The following HIPK3 variants were observed in gnomAD, a reference collection of about 807,000 sequenced individuals.
The protein encoded by HIPK3 is homeodomain-interacting protein kinase 3.
In HIPK3, 47 loss-of-function variants were observed where a neutral mutation model predicts 124.2. That is an observed-to-expected ratio of 0.38 (90% CI 0.30 to 0.48). The LOEUF (loss-of-function observed/expected upper bound fraction) is 0.48. HIPK3 is among the 20% of genes least tolerant of loss of function. The pLI, the probability that HIPK3 is intolerant of heterozygous loss-of-function variation, is 0.98. For synonymous variants in HIPK3, 482 were observed against 515.2 expected, an observed-to-expected ratio of 0.94 and a Z score of 0.87; for missense variants, 1,286 against 1,454.3, an observed-to-expected ratio of 0.88 and a Z score of 1.88.
intron 1 of HIPK3, among the ~76,000 whole-genome samples, chr11:33,270,482 T>C (rs1263187847): frequency 6.6e-6 from 1 of 151,872 alleles, no homozygotes; most frequent in Non-Finnish European, 1.5e-5. Flanking sequence ...CTAAGAAAAT[T>C]GAGAATGTAT....
At chr11:33,346,363 A>G (rs1853492434) in intron 8 of HIPK3, among the ~76,000 whole-genome samples, 1 of 152,174 alleles carries the variant, frequency 6.6e-6, no homozygotes. Flanking sequence ...ATTAAGCCAC[A>G]TTGCGGAAAC....
intron 2 of HIPK3, among the ~76,000 whole-genome samples, chr11:33,326,601 A>C (rs902182535): frequency 6.6e-6 from 1 of 152,196 alleles, no homozygotes; most frequent in Admixed American, 6.5e-5. Context: ...TCAGAAAGCA[A>C]AGAAATAATC....
chr11:33,257,581 A>G lies in HIPK3; in HGVS notation c.-311A>G. On this transcript the variant is annotated 5_prime_UTR_variant, in exon 1 of 17. Transcript: ENST00000303296. ...GTAGCCGGAGGCCGACCGGCCTCCC[A>G]CTACCCCTCGCCCTAGCCAAGCCGT... The G allele has an allele frequency of 2.0e-6, 2 of 985,976 alleles. No homozygotes were observed. The highest frequency in any genetic ancestry group is 2.4e-6 in the Non-Finnish European group (2 of 830,248). 61.1% of individuals were successfully genotyped at this position (985,976 alleles called of 1,614,324 possible).
At chr11:33,299,283 CCAAT>C (rs1565072165) in intron 2 of HIPK3, among the ~76,000 whole-genome samples, 2 of 150,786 alleles carry the variant, frequency 1.3e-5, no homozygotes. Flanking sequence ...ACCAGATTGA[CCAAT>C]ATGGTGAAAC....
chr11:33,327,750 A>G (rs1852855088), intron 2 of HIPK3, among the ~76,000 whole-genome samples: 1 of 152,210 alleles, frequency 6.6e-6, no homozygotes, highest in African/African-American at 2.4e-5. Context: ...ATGCACACTA[A>G]TCTAGGATAA....
chr11:33,336,867 A>G (rs1449693171), intron 3 of HIPK3, among the ~76,000 whole-genome samples: 3 of 152,222 alleles, frequency 2.0e-5, no homozygotes, highest in African/African-American at 7.2e-5. Flanking sequence ...TACTTTAGGT[A>G]TGCCTTTTCT....
chr11:33,257,305 C>T (rs1850689998), upstream of HIPK3: 11 of 983,368 alleles, frequency 1.1e-5, no homozygotes, highest in Middle Eastern at 5.2e-4. Context: ...GCAGCGCTGC[C>T]GGGCGGGCGG....
chr11:33,294,413 CACCCACCCTCACCT>C (rs1304153038), intron 2 of HIPK3, among the ~76,000 whole-genome samples: 1 of 152,134 alleles, frequency 6.6e-6, no homozygotes, highest in Admixed American at 6.5e-5. Context: ...CACACCCACA[CACCCACCCTCACCT>C]ACCCACCCAC....
rs1853741296 is a variant in HIPK3, at chr11:33,353,712, A to C, written c.*144A>C. ...ATTTAAACAACTTTGAGCTTTAAAA[A>C]CTCACTTTTGATGTGTTTTGCACAT... On this transcript the variant is annotated 3_prime_UTR_variant, in exon 17 of 17. Coordinates refer to ENST00000303296, the MANE Select transcript of HIPK3 (RefSeq NM_005734.5). 1.6e-6 allele frequency: 1 copy of C among 630,812 alleles called. No individual in the cohort carries two copies. The highest frequency in any genetic ancestry group is 2.7e-6 in the Non-Finnish European group (1 of 366,884). 39.1% of individuals were successfully genotyped at this position (630,812 alleles called of 1,614,324 possible). A position where few individuals can be genotyped will look rare whatever the true frequency, so the allele number is the denominator to read the frequency against.
chr11:33,307,171 T>C (rs1852185820), intron 2 of HIPK3, among the ~76,000 whole-genome samples: 1 of 152,106 alleles, frequency 6.6e-6, no homozygotes, highest in African/African-American at 2.4e-5. Flanking sequence ...ACTCCTGACC[T>C]CAGGTGATCT....
intron 1 of HIPK3, chr11:33,258,723 GTCTCA>G (rs747702031): frequency 1.7e-5 from 17 of 985,128 alleles, no homozygotes; most frequent in Non-Finnish European, 1.9e-5. Flanking sequence ...TGTTGTTCCC[GTCTCA>G]TCTCTGCTTG....
Position 33,353,078 on chromosome 11 carries a change from T to A in HIPK3, c.3172-14T>A. On this transcript the variant is annotated splice_polypyrimidine_tract_variant and intron_variant, in intron 16 of 16. Transcript: ENST00000303296. ...TATGTTATTCAGTCATTTTTTTTTT[T>A]TCTTTGTGGATAGGTTCAGCACTTT... The A allele has an allele frequency of 6.6e-7, 1 of 1,506,732 alleles. No individual in the cohort carries two copies. Among genetic ancestry groups the A allele is most frequent in the Non-Finnish European group, 9.0e-7 (1 of 1,109,952 alleles). 93.3% of individuals were successfully genotyped at this position (1,506,732 alleles called of 1,614,324 possible). A position where few individuals can be genotyped will look rare whatever the true frequency, so the allele number is the denominator to read the frequency against.
chr11:33,354,002 G>A lies in HIPK3; in HGVS notation c.*434G>A. 1 of 169,860 alleles carries A rather than the reference G, an allele frequency of 5.9e-6. No individual in the cohort carries two copies. The highest frequency in any genetic ancestry group is 1.3e-5 in the Non-Finnish European group (1 of 78,552). 10.5% of individuals were successfully genotyped at this position (169,860 alleles called of 1,614,324 possible). On this transcript the variant is annotated 3_prime_UTR_variant, in exon 17 of 17. Transcript: ENST00000303296. The stretch of plus-strand genomic sequence containing the variant: ...TTGGGTCACTTACCTAAGAAATTGA[G>A]CTATTGTTCTTTACATTTGCATGTG...
intron 1 of HIPK3, among the ~76,000 whole-genome samples, chr11:33,277,299 T>TG (rs1316680435): frequency 6.6e-6 from 1 of 152,220 alleles, no homozygotes; most frequent in Non-Finnish European, 1.5e-5. Flanking sequence ...AAATGATACA[T>TG]GCTCTTCTGC....
chr11:33,323,670 T>G (rs1429542179), intron 2 of HIPK3, among the ~76,000 whole-genome samples: 1 of 152,206 alleles, frequency 6.6e-6, no homozygotes, highest in African/African-American at 2.4e-5. Context: ...AAATGAAAAT[T>G]GTTTTTCAAC....
chr11:33,269,809 C>T (rs987435539), intron 1 of HIPK3, among the ~76,000 whole-genome samples: 1 of 151,818 alleles, frequency 6.6e-6, no homozygotes, highest in African/African-American at 2.4e-5. Flanking sequence ...TTACAGTGTC[C>T]CCTACTCAGT....
intron 2 of HIPK3, among the ~76,000 whole-genome samples, chr11:33,310,281 T>TTTATCTATCTATCTATCTATCTATC (rs1554965372): frequency 1.5e-4 from 18 of 121,074 alleles, no homozygotes; most frequent in Non-Finnish European, 2.0e-4. Flanking sequence ...TCTGTCTATC[T>TTTATCTATCTATCTATCTATCTATC]TATCTATCTA....
chr11:33,348,058 T>G, intron 11 of HIPK3, 45 bp downstream of exon 11: 1 of 1,611,722 alleles, frequency 6.2e-7, no homozygotes, highest in Non-Finnish European at 8.5e-7. Context: ...TGAGAATCTT[T>G]TAAATGAATT....
rs528567989 is a variant in HIPK3, at chr11:33,258,670, G to A, written c.-3+781G>A. On this transcript the variant is annotated intron_variant, in intron 1 of 16. Coordinates refer to ENST00000303296, the MANE Select transcript of HIPK3 (RefSeq NM_005734.5). ...AAAATGTCTGTTTCTCTGTCGGGAG[G>A]GAGACGGCTGTTGTAAAATGGTATG... The A allele has an allele frequency of 1.3e-5, 13 of 985,344 alleles. No homozygotes were observed. The African/African-American group carries it at 2.3e-4, about 17-fold the overall frequency. The allele number at this position is 985,344 out of a possible 1,614,324, so 61.0% of individuals were successfully genotyped here.
Sources: gnomAD v4.1 joint callset for allele counts (sites outside exome capture counted in the v4.1 genomes callset) on GRCh38, gnomAD v4.1.1 for gene constraint, MANE v1.5 for transcripts, NCBI Gene and HGNC (gene_info 2026-07-23, HGNC 2026-07-21) for gene names.